The following PDS5A variants were observed in gnomAD, a reference collection of about 807,000 sequenced individuals.
The protein encoded by PDS5A is sister chromatid cohesion protein PDS5 homolog A.
A neutral mutation model predicts 167.1 loss-of-function variants in PDS5A; 42 were observed. The ratio of observed to expected loss-of-function variants is 0.25; its 90% confidence interval spans 0.20 to 0.33. The LOEUF (loss-of-function observed/expected upper bound fraction) is 0.33. PDS5A is among the 10% of genes least tolerant of loss of function. PDS5A has a pLI of 1.00. For missense variants in PDS5A, 1,033 were observed against 1,605.9 expected (o/e 0.64, Z 6.10); for synonymous variants, 553 against 554.6 (o/e 1.00, Z 0.04).
chr4:39,914,116 G>C (rs377108588), intron 8 of PDS5A, among the ~76,000 whole-genome samples: 1 of 149,686 alleles, frequency 6.7e-6, no homozygotes, highest in Admixed American at 6.7e-5. Context: ...TGCAATTTAC[G>C]TTCCAACATA....
chr4:39,880,159 T>C (rs1720812552), intron 17 of PDS5A, among the ~76,000 whole-genome samples: 2 of 152,082 alleles, frequency 1.3e-5, no homozygotes, highest in African/African-American at 4.8e-5. Context: ...AGAAAAATAA[T>C]AATATAGTAG....
At chr4:39,838,733 T>C (rs1366231273) in intron 31 of PDS5A, among the ~76,000 whole-genome samples, 5 of 150,672 alleles carry the variant, frequency 3.3e-5, no homozygotes, top group Admixed American at 2.6e-4. Context: ...AAAATAGTAA[T>C]TGCAAGCCCG....
At chr4:39,920,481 A>G (rs1724855620) in intron 6 of PDS5A, 82 bp from the exon 7 acceptor site, 1 of 537,768 alleles carries the variant, frequency 1.9e-6, no homozygotes. Context: ...TAGTCTTCAA[A>G]TCTGTAATAA....
chr4:39,843,602 G>A, intron 30 of PDS5A, among the ~76,000 whole-genome samples: 1 of 152,074 alleles, frequency 6.6e-6, no homozygotes, highest in African/African-American at 2.4e-5. Flanking sequence ...AGCTCAGGAA[G>A]CTGAGGTGTG....
At chr4:39,948,944 C>A (rs1004171619) in intron 2 of PDS5A, among the ~76,000 whole-genome samples, 2 of 151,912 alleles carry the variant, frequency 1.3e-5, no homozygotes, top group Non-Finnish European at 2.9e-5. Flanking sequence ...TTATTATCAA[C>A]TAACAAACGG....
At chr4:39,924,686 T>C (rs1725293623) in intron 5 of PDS5A, among the ~76,000 whole-genome samples, 1 of 152,250 alleles carries the variant, frequency 6.6e-6, no homozygotes, top group Non-Finnish European at 1.5e-5. Context: ...AAATAACATA[T>C]ATTATCAATA....
intron 16 of PDS5A, among the ~76,000 whole-genome samples, chr4:39,897,522 T>C (rs1366280229): frequency 6.6e-6 from 1 of 152,156 alleles, no homozygotes; most frequent in Non-Finnish European, 1.5e-5. Flanking sequence ...TCTCAGCCTC[T>C]TGAGTAGCTC....
rs1401338463 is a variant in PDS5A, at chr4:39,977,562, G to T, written c.-146C>A. On this transcript the variant is annotated 5_prime_UTR_variant, in exon 1 of 33. Coordinates refer to ENST00000303538, the MANE Select transcript of PDS5A (RefSeq NM_001100399.2). The surrounding 1 kb of genome is among the most constrained non-coding windows in gnomAD (Gnocchi z 4.2). ...CACACAAAGCGGCTCCGCGGGTCCC[G>T]CCGCCGCCGCCGCCGCCGCCCGCCC... The T allele has an allele frequency of 3.9e-5, 6 of 154,416 alleles. No individual in the cohort carries two copies. The highest frequency in any genetic ancestry group is 2.0e-4 in the Admixed American group (3 of 14,890). 9.6% of individuals were successfully genotyped at this position (154,416 alleles called of 1,614,324 possible).
intron 17 of PDS5A, among the ~76,000 whole-genome samples, chr4:39,883,960 G>A (rs941946401): frequency 4.2e-5 from 6 of 142,030 alleles, no homozygotes; most frequent in African/African-American, 1.6e-4. Flanking sequence ...TTTGAGTCTC[G>A]CTCTGTCACC....
intron 21 of PDS5A, among the ~76,000 whole-genome samples, chr4:39,872,229 T>C (rs1213138148): frequency 1.4e-5 from 2 of 143,084 alleles, no homozygotes; most frequent in African/African-American, 5.2e-5. Context: ...CAGGCTGGAG[T>C]GCAACTGTGC....
chr4:39,904,377 C>T (rs987446005), intron 11 of PDS5A, among the ~76,000 whole-genome samples, 186 bp from the exon 12 acceptor site: 3 of 152,104 alleles, frequency 2.0e-5, no homozygotes, highest in Admixed American at 6.5e-5. Flanking sequence ...CTCACTCTGT[C>T]GCCTAGGCTG....
At chr4:39,833,562 A>T (rs149558289) in intron 32 of PDS5A, among the ~76,000 whole-genome samples, 1 of 151,614 alleles carries the variant, frequency 6.6e-6, no homozygotes, top group East Asian at 1.9e-4. Context: ...TAATTTTTCT[A>T]TTTTTTTTGT....
chr4:39,894,465 T>A (rs1354400840), intron 16 of PDS5A, among the ~76,000 whole-genome samples: 1 of 151,984 alleles, frequency 6.6e-6, no homozygotes, highest in African/African-American at 2.4e-5. Context: ...GTGCAAAGGT[T>A]GAGGTTGTCT....
intron 2 of PDS5A, among the ~76,000 whole-genome samples, chr4:39,938,056 G>A (rs979774035): frequency 2.6e-5 from 4 of 152,160 alleles, no homozygotes; most frequent in African/African-American, 7.2e-5. Flanking sequence ...TGTTCAAACC[G>A]TGATCAAATA....
At chr4:39,882,709 T>A (rs1721066264) in intron 17 of PDS5A, among the ~76,000 whole-genome samples, 2 of 152,216 alleles carry the variant, frequency 1.3e-5, no homozygotes, top group African/African-American at 4.8e-5. Context: ...ATGTTGGTAA[T>A]CACCAGTATG....
intron 16 of PDS5A, among the ~76,000 whole-genome samples, chr4:39,894,056 A>G (rs1363167247): frequency 2.0e-5 from 3 of 152,232 alleles, no homozygotes. Context: ...CTAGAATTCT[A>G]AATGCCAAAG....
chr4:39,953,619 T>C (rs550518833), intron 2 of PDS5A, among the ~76,000 whole-genome samples: 1 of 152,048 alleles, frequency 6.6e-6, no homozygotes, highest in South Asian at 2.1e-4. Flanking sequence ...TAGTGTCAAC[T>C]ACTCAGGAGG....
At chr4:39,943,805 AAAAC>A (rs1283079590) in intron 2 of PDS5A, among the ~76,000 whole-genome samples, 3 of 149,988 alleles carry the variant, frequency 2.0e-5, no homozygotes, top group Non-Finnish European at 4.4e-5. Context: ...AACCGTATCA[AAAAC>A]AAACAAACAA....
At chr4:39,834,913 C>G (rs1010441166) in intron 32 of PDS5A, among the ~76,000 whole-genome samples, 10 of 152,208 alleles carry the variant, frequency 6.6e-5, no homozygotes, top group African/African-American at 2.4e-4. Flanking sequence ...AGCAATCCTC[C>G]CACCTCAGCT....
Sources: gnomAD v4.1 joint callset for allele counts (sites outside exome capture counted in the v4.1 genomes callset) on GRCh38, gnomAD v4.1.1 for gene constraint, Gnocchi (gnomAD v3.1) non-coding constraint, MANE v1.5 for transcripts, NCBI Gene and HGNC (gene_info 2026-07-23, HGNC 2026-07-21) for gene names.